The following PCGF5 variants were observed in gnomAD, a reference collection of about 807,000 sequenced individuals.
The protein encoded by PCGF5 is polycomb group ring finger 5, also known as polycomb group RING finger protein 5.
A neutral mutation model predicts 44.3 loss-of-function variants in PCGF5; 9 were observed. That is an observed-to-expected ratio of 0.20 (90% CI 0.12 to 0.35). PCGF5 has a LOEUF of 0.35. Ranked by LOEUF, PCGF5 falls within the 10% of genes least tolerant of loss-of-function variation. The probability of loss-of-function intolerance (pLI) is 1.00; values close to 1 mark genes in which losing one functional copy is unlikely to be tolerated. For synonymous variants in PCGF5, 95 were observed against 102.5 expected (o/e 0.93, Z 0.44); for missense variants, 146 against 305.3 (o/e 0.48, Z 3.89).
intron 2 of PCGF5, among the ~76,000 whole-genome samples, chr10:91,236,896 TC>T (rs1470882555): frequency 6.6e-6 from 1 of 152,212 alleles, no homozygotes; most frequent in Non-Finnish European, 1.5e-5. Flanking sequence ...TGAAAAGGGC[TC>T]TATACAGTTT....
intron 1 of PCGF5, among the ~76,000 whole-genome samples, chr10:91,163,767 A>G (rs904364245): frequency 3.3e-5 from 5 of 150,090 alleles, no homozygotes; most frequent in Admixed American, 6.6e-5. Context: ...GGCAGGAGGC[A>G]GGACCCGGCG....
intron 6 of PCGF5, among the ~76,000 whole-genome samples, chr10:91,254,516 ATACTAT>A (rs1449875962): frequency 6.6e-6 from 1 of 151,936 alleles, no homozygotes; most frequent in Non-Finnish European, 1.5e-5. Flanking sequence ...CTAGGCACTG[ATACTAT>A]CTTTTTTTTA....
chr10:91,164,001 G>A (rs759357835), intron 1 of PCGF5, among the ~76,000 whole-genome samples: 1 of 152,242 alleles, frequency 6.6e-6, no homozygotes, highest in Non-Finnish European at 1.5e-5. Context: ...TTAATATTAA[G>A]AAAGCTGCGT....
Position 91,279,713 on chromosome 10 carries a change from A to G in PCGF5, c.*1397A>G, listed in dbSNP as rs1846404397. 1 of 152,142 alleles carries G rather than the reference A, an allele frequency of 6.6e-6. No homozygotes were observed. Among genetic ancestry groups the G allele is most frequent in the Non-Finnish European group, 1.5e-5 (1 of 67,962 alleles). 9.4% of individuals were successfully genotyped at this position (152,142 alleles called of 1,614,324 possible). On this transcript the variant is annotated 3_prime_UTR_variant, in exon 10 of 10. Transcript: ENST00000336126. ...TTGAAACTTAGGAAAAAATCTTGAA[A>G]GTTAGGAAAAATATTTGAGAAATAT...
intron 1 of PCGF5, among the ~76,000 whole-genome samples, chr10:91,221,990 T>G (rs1844694170): frequency 6.6e-6 from 1 of 151,878 alleles, no homozygotes; most frequent in Non-Finnish European, 1.5e-5. Context: ...TTGGATAGAG[T>G]GCTTAGAACC....
At chr10:91,202,480 G>A (rs1376856375) in intron 1 of PCGF5, among the ~76,000 whole-genome samples, 1 of 152,176 alleles carries the variant, frequency 6.6e-6, no homozygotes, top group Non-Finnish European at 1.5e-5. Context: ...ATTGTTGTGA[G>A]GATTAAATAG....
chr10:91,238,149 T>C (rs994021447), intron 2 of PCGF5, among the ~76,000 whole-genome samples: 3 of 152,236 alleles, frequency 2.0e-5, no homozygotes, highest in Admixed American at 6.5e-5. Flanking sequence ...ATACTTACAT[T>C]ACATCTGAAC....
chr10:91,263,385 C>T (rs777164487), intron 7 of PCGF5, among the ~76,000 whole-genome samples: 9 of 152,046 alleles, frequency 5.9e-5, no homozygotes, highest in Non-Finnish European at 7.4e-5. Flanking sequence ...TTTTGAGGTC[C>T]GTATAAGTCA....
chr10:91,162,596 C>T (rs1413929743), upstream of PCGF5, among the ~76,000 whole-genome samples: 3 of 152,004 alleles, frequency 2.0e-5, no homozygotes, highest in Non-Finnish European at 4.4e-5. Context: ...TGGGAGACTG[C>T]GAGCCCCGAG....
At chr10:91,162,099 A>G (rs1843396146), upstream of PCGF5, among the ~76,000 whole-genome samples, 1 of 152,060 alleles carries the variant, frequency 6.6e-6, no homozygotes, top group African/African-American at 2.4e-5. Context: ...GAGAAGGATC[A>G]AAATAAAGTG....
At chr10:91,226,092 G>C (rs1227235509) in intron 2 of PCGF5, among the ~76,000 whole-genome samples, 6 of 151,964 alleles carry the variant, frequency 3.9e-5, no homozygotes, top group Non-Finnish European at 2.9e-5. Flanking sequence ...ATGTTATGAT[G>C]CTACAAAGAA....
intron 1 of PCGF5, among the ~76,000 whole-genome samples, chr10:91,192,387 A>T (rs1844049558): frequency 6.6e-6 from 1 of 152,252 alleles, no homozygotes; most frequent in Admixed American, 6.5e-5. Flanking sequence ...GTGAGTCTTC[A>T]TTAATAAGAA....
intron 1 of PCGF5, among the ~76,000 whole-genome samples, chr10:91,200,388 AAG>A (rs60498216): frequency 0.51 from 77,297 of 151,940 alleles, 24,193 homozygotes; most frequent in Non-Finnish European, 0.7. Context: ...TAATCTAGTT[AAG>A]AGAGAGTGAG....
Position 91,222,728 on chromosome 10 carries a change from C to T in PCGF5, c.-144C>T. On this transcript the variant is annotated 5_prime_UTR_variant, in exon 2 of 10. It adds an upstream start codon to the 5' untranslated region. Coordinates refer to ENST00000336126, the MANE Select transcript of PCGF5 (RefSeq NM_032373.5). ...AACCACCAAAAGGAGTGATGATCAACGATCTCATGATAAATCTGGATGCTA... is the reference window on the plus strand; with the variant it reads ...AACCACCAAAAGGAGTGATGATCAATGATCTCATGATAAATCTGGATGCTA... The T allele has an allele frequency of 3.8e-6, 2 of 523,658 alleles. No individual in the cohort carries two copies. Among genetic ancestry groups the T allele is most frequent in the South Asian group, 3.3e-5 (1 of 29,866 alleles). 32.4% of individuals were successfully genotyped at this position (523,658 alleles called of 1,614,324 possible). A position where few individuals can be genotyped will look rare whatever the true frequency, so the allele number is the denominator to read the frequency against.
chr10:91,157,746 T>C, the PCGF5 span, among the ~76,000 whole-genome samples: 1 of 152,210 alleles, frequency 6.6e-6, no homozygotes, highest in African/African-American at 2.4e-5. Flanking sequence ...CTTTTAGCTG[T>C]GTTTTAAGGA....
At chr10:91,231,122 G>A (rs1016585554) in intron 2 of PCGF5, among the ~76,000 whole-genome samples, 1 of 152,124 alleles carries the variant, frequency 6.6e-6, no homozygotes, top group South Asian at 2.1e-4. Context: ...GAAAATGTAA[G>A]CTTCTTTCCC....
At chr10:91,187,124 C>A (rs1480953397) in intron 1 of PCGF5, among the ~76,000 whole-genome samples, 1 of 152,110 alleles carries the variant, frequency 6.6e-6, no homozygotes, top group Non-Finnish European at 1.5e-5. Context: ...TAGTTCTCAA[C>A]CCTGGTTTCA....
At chr10:91,256,413 T>G (rs1380413460) in intron 6 of PCGF5, among the ~76,000 whole-genome samples, 1 of 151,562 alleles carries the variant, frequency 6.6e-6, no homozygotes, top group South Asian at 2.1e-4. Context: ...AAAAATAGAA[T>G]GAAGAAAAAT....
rs138453789 is a variant in PCGF5 at position 91,176,135 on chromosome 10, G to C, written c.-184+13054G>C. On this transcript the variant is annotated intron_variant, in intron 1 of 9. Coordinates refer to the PCGF5 transcript ENST00000614189. ...TGAAAAAATCTCTCGGCATTTGCTTGTCTGTAAAGTGTTTTATTTCTCCTT... is the reference window on the plus strand; with the variant it reads ...TGAAAAAATCTCTCGGCATTTGCTTCTCTGTAAAGTGTTTTATTTCTCCTT... 1.3e-3 allele frequency among the ~76,000 whole-genome samples: 191 copies of C among 152,288 alleles called. 1 individual carries two copies. Among genetic ancestry groups the C allele is most frequent in the Middle Eastern group, 6.8e-3 (2 of 294 alleles).
Sources: gnomAD v4.1 joint callset for allele counts (sites outside exome capture counted in the v4.1 genomes callset) on GRCh38, gnomAD v4.1.1 for gene constraint, MANE v1.5 for transcripts, NCBI Gene and HGNC (gene_info 2026-07-23, HGNC 2026-07-21) for gene names.